KMT5B: variants seen among roughly 807,000 people sequenced by gnomAD.
KMT5B encodes the protein histone-lysine N-methyltransferase KMT5B.
A neutral mutation model predicts 83.2 loss-of-function variants in KMT5B; 10 were observed. That is an observed-to-expected ratio of 0.12 (90% CI 0.07 to 0.20). KMT5B has a LOEUF of 0.20. Among genes scored for constraint, KMT5B ranks in the 10% least tolerant of loss-of-function variants. The pLI is 1.00. For missense variants in KMT5B, 753 were observed against 1,067.2 expected (o/e 0.71, Z 4.10); for synonymous variants, 349 against 388.8 (o/e 0.90, Z 1.20).
rs750382688 is a variant in KMT5B at position 68,167,131 on chromosome 11, G to A, written c.1025C>T (p.Ala342Val). 3.7e-6 allele frequency: 6 copies of A among 1,613,700 alleles called. No homozygotes were observed. In the South Asian group the frequency reaches 5.5e-5, roughly 15 times the overall value. Residue 342 changes from alanine to valine, a missense_variant, in exon 10 of 11, where the codon GCT becomes GTT. Ala to Val is a moderately conservative substitution (Grantham distance 64, BLOSUM62 0). This residue lies in a region of KMT5B where 16 missense variants were observed against 16.1 expected (regional missense o/e 0.99). Transcript: ENST00000304363. ...FKSRVGLPAP[A>V]PVINSKYGLR... ...TCCATATTTGCTATTGATAACAGGAGCAGGCGCAGGCAGTCCCACTCTGGA... is the reference window on the plus strand; with the variant it reads ...TCCATATTTGCTATTGATAACAGGAACAGGCGCAGGCAGTCCCACTCTGGA...
rs1383618403 is a variant in KMT5B, at chr11:68,173,865, A to G, written c.592T>C (p.Leu198=). The G allele has an allele frequency of 6.2e-7, 1 of 1,612,944 alleles. No homozygotes were observed. The highest frequency in any genetic ancestry group is 1.7e-5 in the Admixed American group (1 of 59,834). ...TCTGATGAGTATCTATTACATGGCA[A>G]TATTTCAAATCCACTGTCAGTTGCA... ...MFATDSGFEI[L]PCNRYSSEQN... The change falls in exon 6 of 11, where the codon TTG becomes CTG. Residue 198 remains leucine, a synonymous_variant. Transcript: ENST00000304363.
intron 1 of KMT5B, among the ~76,000 whole-genome samples, chr11:68,210,070 T>TC (rs1230302365): frequency 6.6e-6 from 1 of 152,126 alleles, no homozygotes; most frequent in Non-Finnish European, 1.5e-5. Context: ...ATGATCTCAA[T>TC]TCCTGACCTC....
intron 2 of KMT5B, among the ~76,000 whole-genome samples, chr11:68,188,734 G>A (rs1478990994): frequency 6.6e-6 from 1 of 152,120 alleles, no homozygotes; most frequent in Non-Finnish European, 1.5e-5. Flanking sequence ...CACAAAAGGA[G>A]GCCAACAGTG....
In KMT5B at chr11:68,173,404, T is replaced by G. The variant is rs903017393; in HGVS notation, c.653+400A>C. ...TATATATATCTGTATGTATGTATTT[T>G]TAAGCAACTAATGCTTTAGGGAGGT... On this transcript the variant is annotated intron_variant, in intron 6 of 10. Transcript: ENST00000304363. 2.0e-5 allele frequency among the ~76,000 whole-genome samples: 3 copies of G among 152,222 alleles called. No homozygotes were observed. The South Asian group carries it at 6.2e-4, about 32-fold the overall frequency.
chr11:68,197,172 A>C (rs1321827368), intron 1 of KMT5B, among the ~76,000 whole-genome samples: 1 of 151,930 alleles, frequency 6.6e-6, no homozygotes, highest in Non-Finnish European at 1.5e-5. Flanking sequence ...ACGGGGTTTC[A>C]CCATGTTGGC....
intron 10 of KMT5B, among the ~76,000 whole-genome samples, chr11:68,161,450 T>C (rs1468667170): frequency 6.6e-6 from 1 of 152,112 alleles, no homozygotes; most frequent in Non-Finnish European, 1.5e-5. Flanking sequence ...CAACCTTTGA[T>C]TTCTCCTCTT....
At chr11:68,197,587 T>G (rs987433736) in intron 1 of KMT5B, among the ~76,000 whole-genome samples, 1 of 152,338 alleles carries the variant, frequency 6.6e-6, no homozygotes, top group Non-Finnish European at 1.5e-5. Context: ...GAACACAGAC[T>G]GAGATCCACT....
intron 1 of KMT5B, among the ~76,000 whole-genome samples, chr11:68,202,191 C>T (rs572240358): frequency 9.2e-5 from 14 of 152,324 alleles, no homozygotes; most frequent in African/African-American, 3.4e-4. Context: ...ATCCAGTACA[C>T]CACTGGTTAA....
intron 2 of KMT5B, among the ~76,000 whole-genome samples, chr11:68,187,887 C>G (rs1362359219): frequency 6.6e-6 from 1 of 152,172 alleles, no homozygotes. Context: ...ATTGCTGGCT[C>G]TCTTTCTGCA....
chr11:68,179,752 G>T, intron 4 of KMT5B: 1 of 710,200 alleles, frequency 1.4e-6, no homozygotes, highest in Non-Finnish European at 1.9e-6. Flanking sequence ...TTCCCCCTCT[G>T]AAGAAAGTTT....
intron 10 of KMT5B, chr11:68,166,781 G>C: frequency 7.1e-7 from 1 of 1,406,022 alleles, no homozygotes; most frequent in Non-Finnish European, 9.2e-7. Context: ...AAATAGTCTA[G>C]AGGACGGTAC....
chr11:68,173,749 A>C, intron 6 of KMT5B, 55 bp downstream of exon 6: 4 of 1,191,642 alleles, frequency 3.4e-6, no homozygotes, highest in Non-Finnish European at 4.8e-6. Context: ...CTTCAACAAT[A>C]ATTTAGAAGA....
chr11:68,204,975 G>A (rs1365249992), intron 1 of KMT5B, among the ~76,000 whole-genome samples: 1 of 152,064 alleles, frequency 6.6e-6, no homozygotes, highest in Non-Finnish European at 1.5e-5. Context: ...CCACATAACA[G>A]AGATTATGAA....
chr11:68,180,213 A>G lies in KMT5B; in HGVS notation c.309-13T>C. 3 of 1,558,522 alleles carry G rather than the reference A, an allele frequency of 1.9e-6. No individual in the cohort carries two copies. On this transcript the variant is annotated splice_polypyrimidine_tract_variant and intron_variant, in intron 3 of 10. Transcript: ENST00000304363. Reference sequence around the variant, plus strand: ...CGAAGGAAAGGCGCTATATAAATGCAAAAACAAACAACAAAAATAAAAAGC... The same window carrying G: ...CGAAGGAAAGGCGCTATATAAATGCGAAAACAAACAACAAAAATAAAAAGC...
Position 68,158,868 on chromosome 11 carries a change from T to C in KMT5B, c.1478A>G (p.Asp493Gly). 3 of 1,614,208 alleles carry C rather than the reference T, an allele frequency of 1.9e-6. No homozygotes were observed. The highest frequency in any genetic ancestry group is 2.5e-6 in the Non-Finnish European group (3 of 1,180,046). Residue 493 changes from aspartate to glycine, a missense_variant, in exon 11 of 11, where the codon GAT (aspartate) becomes GGT (glycine). Asp to Gly is a moderately conservative substitution (Grantham distance 94, BLOSUM62 -1). Coordinates refer to ENST00000304363, the MANE Select transcript of KMT5B (RefSeq NM_017635.5). Reference protein sequence around the residue: ...VLYKNLPIKKDKEPEGPAQAA... With the variant: ...VLYKNLPIKKGKEPEGPAQAA... Reference sequence around the variant, plus strand: ...TTGGGCTGGTCCCTCTGGCTCCTTATCTTTTTTAATGGGCAAATTTTTATA... The same window carrying C: ...TTGGGCTGGTCCCTCTGGCTCCTTACCTTTTTTAATGGGCAAATTTTTATA...
At chr11:68,187,171 A>AT (rs1342275685) in intron 2 of KMT5B, among the ~76,000 whole-genome samples, 1 of 151,428 alleles carries the variant, frequency 6.6e-6, no homozygotes, top group Non-Finnish European at 1.5e-5. Flanking sequence ...TAATTTTTGT[A>AT]TTTTTTTGTA....
intron 3 of KMT5B, among the ~76,000 whole-genome samples, chr11:68,181,477 G>A (rs1856930948): frequency 6.6e-6 from 1 of 152,122 alleles, no homozygotes; most frequent in South Asian, 2.1e-4. Context: ...ACAAATTACA[G>A]GTGCATAAAC....
At chr11:68,176,875 GA>G (rs1244774638) in intron 4 of KMT5B, among the ~76,000 whole-genome samples, 4 of 152,028 alleles carry the variant, frequency 2.6e-5, no homozygotes, top group East Asian at 1.9e-4. Context: ...TGGTTCAGGA[GA>G]AAAAAATCTT....
At chr11:68,175,498 G>C (rs1467777766) in intron 4 of KMT5B, among the ~76,000 whole-genome samples, 1 of 152,012 alleles carries the variant, frequency 6.6e-6, no homozygotes, top group Non-Finnish European at 1.5e-5. Context: ...TTAACTGTGA[G>C]GTGAGCAGAC....
Sources: gnomAD v4.1 joint callset for allele counts (sites outside exome capture counted in the v4.1 genomes callset) on GRCh38, gnomAD v4.1.1 for gene constraint, gnomAD v4.1.1 regional missense constraint, MANE v1.5 for transcripts, NCBI Gene and HGNC (gene_info 2026-07-23, HGNC 2026-07-21) for gene names.